FLRT2: variants seen among roughly 807,000 people sequenced by gnomAD.
FLRT2 encodes the protein fibronectin leucine rich transmembrane protein 2.
A neutral mutation model predicts 40.0 loss-of-function variants in FLRT2; 15 were observed. That is an observed-to-expected ratio of 0.38 (90% CI 0.25 to 0.58). FLRT2 has a LOEUF of 0.58. Among genes scored for constraint, FLRT2 ranks in the 20% least tolerant of loss-of-function variants. The pLI is 0.71. For synonymous variants in FLRT2, 380 were observed against 336.8 expected (o/e 1.13, Z -1.41); for missense variants, 726 against 840.0 (o/e 0.86, Z 1.68).
At position 85,634,998 on chromosome 14, in the gene FLRT2, C is replaced by T. The variant is rs930964630; in HGVS notation, c.*11501C>T. 6.6e-6 allele frequency: 1 copy of T among 152,054 alleles called. No individual in the cohort carries two copies. The highest frequency in any genetic ancestry group is 2.4e-5 in the African/African-American group (1 of 41,400). 9.4% of individuals were successfully genotyped at this position (152,054 alleles called of 1,614,324 possible). A position where few individuals can be genotyped will look rare whatever the true frequency, so the allele number is the denominator to read the frequency against. ...ATTGGACTGATTTGTGTTCTGTGTG[C>T]TTTTAAAATTCAGGAAGATGTGACT... On this transcript the variant is annotated 3_prime_UTR_variant, in exon 2 of 2. Coordinates refer to ENST00000330753, the MANE Select transcript of FLRT2 (RefSeq NM_013231.6).
chr14:85,607,943 G>T (rs750548688), intron 1 of FLRT2, among the ~76,000 whole-genome samples: 1 of 143,586 alleles, frequency 7.0e-6, no homozygotes, highest in Non-Finnish European at 1.5e-5. Context: ...TCCTCAGATT[G>T]TATTAATAGA....
At position 85,542,251 on chromosome 14, in the gene FLRT2, G is replaced by T. The variant is rs969631434; in HGVS notation, c.-377+11717G>T. On this transcript the variant is annotated intron_variant, in intron 1 of 1. Coordinates refer to ENST00000330753, the MANE Select transcript of FLRT2 (RefSeq NM_013231.6). ...TCTGAACAAATAGCAGTGTTCAGATGTCCTGGTAAAAATACATGGTACTGG... is the reference window on the plus strand; with the variant it reads ...TCTGAACAAATAGCAGTGTTCAGATTTCCTGGTAAAAATACATGGTACTGG... 7.9e-5 allele frequency among the ~76,000 whole-genome samples: 12 copies of T among 152,192 alleles called. No homozygotes were observed. In the South Asian group the frequency reaches 2.5e-3, roughly 32 times the overall value.
At chr14:85,532,111 G>A (rs117092186) in intron 1 of FLRT2, among the ~76,000 whole-genome samples, 3,953 of 152,370 alleles carry the variant, frequency 0.026, 75 homozygotes, top group Non-Finnish European at 0.041. Context: ...GTGCGGTCGC[G>A]CCTGGGGCGC....
At chr14:85,573,008 T>G (rs1890962539) in intron 1 of FLRT2, among the ~76,000 whole-genome samples, 1 of 152,122 alleles carries the variant, frequency 6.6e-6, no homozygotes, top group African/African-American at 2.4e-5. Context: ...TTTTTAGTCA[T>G]TCCTATCTCT....
chr14:85,597,750 T>C (rs1430665734), intron 1 of FLRT2, among the ~76,000 whole-genome samples: 1 of 152,194 alleles, frequency 6.6e-6, no homozygotes. Flanking sequence ...AAGACATTTA[T>C]TTGGTTTAAA....
chr14:85,588,673 C>T (rs1363262957), intron 1 of FLRT2, among the ~76,000 whole-genome samples: 1 of 152,070 alleles, frequency 6.6e-6, no homozygotes, highest in Non-Finnish European at 1.5e-5. Flanking sequence ...TATTATTCAT[C>T]ATAGTCACCC....
Position 85,649,714 on chromosome 14 carries a change from T to C in FLRT2, c.*26217T>C, listed in dbSNP as rs373480093. The stretch of plus-strand genomic sequence containing the variant: ...TCACTATAAAATTTAATGAACCTTA[T>C]ATCATTAATATTTTTGTGTCAATGG... On this transcript the variant is annotated 3_prime_UTR_variant, in exon 2 of 2. Transcript: ENST00000330753. The C allele has an allele frequency of 7.9e-5, 12 of 152,228 alleles. No homozygotes were observed. The highest frequency in any genetic ancestry group is 1.4e-4 in the African/African-American group (6 of 41,564). 9.4% of individuals were successfully genotyped at this position (152,228 alleles called of 1,614,324 possible).
intron 1 of FLRT2, among the ~76,000 whole-genome samples, chr14:85,545,383 ATTGC>A (rs746978735): frequency 2.0e-5 from 3 of 152,156 alleles, no homozygotes; most frequent in Non-Finnish European, 4.4e-5. Context: ...GTTGCCTCAG[ATTGC>A]TTGTTTTACT....
intron 1 of FLRT2, among the ~76,000 whole-genome samples, chr14:85,574,250 TA>T (rs919566257): frequency 6.6e-6 from 1 of 150,856 alleles, no homozygotes; most frequent in African/African-American, 2.4e-5. Flanking sequence ...TATATATAAA[TA>T]AAAAACATAT....
intron 1 of FLRT2, among the ~76,000 whole-genome samples, chr14:85,558,031 C>T (rs1018341359): frequency 2.6e-5 from 4 of 152,046 alleles, no homozygotes; most frequent in South Asian, 2.1e-4. Context: ...CCATAGACTT[C>T]CGTAGAAAGC....
At chr14:85,555,731 A>ATTTTATTTTATTTTATTTTATTTTAT (rs1256267797) in intron 1 of FLRT2, among the ~76,000 whole-genome samples, 1 of 135,576 alleles carries the variant, frequency 7.4e-6, no homozygotes, top group African/African-American at 2.6e-5. Context: ...ATTTTATTTT[A>ATTTTATTTTATTTTATTTTATTTTAT]TTTTTTTAGA....
At chr14:85,543,050 C>T (rs934548150) in intron 1 of FLRT2, among the ~76,000 whole-genome samples, 1 of 152,176 alleles carries the variant, frequency 6.6e-6, no homozygotes, top group African/African-American at 2.4e-5. Flanking sequence ...TAAAGTCCAA[C>T]TTCCTGTAAC....
intron 1 of FLRT2, among the ~76,000 whole-genome samples, chr14:85,545,818 A>G (rs1231550484): frequency 6.6e-6 from 1 of 152,218 alleles, no homozygotes; most frequent in African/African-American, 2.4e-5. Flanking sequence ...CCCTTTTACC[A>G]GCACTGCTAA....
In FLRT2 at chr14:85,645,090, T is replaced by C. The variant is rs1202697261; in HGVS notation, c.*21593T>C. ...ACTGAACTGTAATCATGAGTTTTGA[T>C]CAACCAACCATAAAGTTGAGCTTGG... is the stretch of plus-strand genomic sequence containing the variant. On this transcript the variant is annotated 3_prime_UTR_variant, in exon 2 of 2. Coordinates refer to ENST00000330753, the MANE Select transcript of FLRT2 (RefSeq NM_013231.6). The C allele has an allele frequency of 1.3e-5, 2 of 151,884 alleles. No homozygotes were observed. Among genetic ancestry groups the C allele is most frequent in the Non-Finnish European group, 2.9e-5 (2 of 68,024 alleles). The allele number at this position is 151,884 out of a possible 1,614,324, so 9.4% of individuals were successfully genotyped here.
At chr14:85,561,334 A>G (rs1220350134) in intron 1 of FLRT2, 2 of 152,200 alleles carry the variant, frequency 1.3e-5, no homozygotes, top group African/African-American at 4.8e-5. Context: ...ATCTCAGTTT[A>G]TGTTGTTGTA....
intron 1 of FLRT2, among the ~76,000 whole-genome samples, chr14:85,589,067 G>A (rs746248735): frequency 1.3e-5 from 2 of 152,094 alleles, no homozygotes; most frequent in African/African-American, 2.4e-5. Flanking sequence ...CAAACATGGG[G>A]ATGCAGATAT....
intron 1 of FLRT2, among the ~76,000 whole-genome samples, chr14:85,618,181 C>G (rs1449026209): frequency 6.6e-6 from 1 of 152,164 alleles, no homozygotes. Flanking sequence ...TTGATGAACT[C>G]TAAGCAAACA....
intron 1 of FLRT2, among the ~76,000 whole-genome samples, chr14:85,592,974 G>C (rs1891969857): frequency 6.6e-6 from 1 of 151,926 alleles, no homozygotes; most frequent in Non-Finnish European, 1.5e-5. Context: ...TTACATACAT[G>C]TTTAACACAA....
At chr14:85,560,522 A>G (rs1354124520) in intron 1 of FLRT2, among the ~76,000 whole-genome samples, 1 of 152,122 alleles carries the variant, frequency 6.6e-6, no homozygotes, top group Non-Finnish European at 1.5e-5. Context: ...CGGAGGTTGC[A>G]GTGAGCCGAG....
Sources: allele counts gnomAD v4.1 joint callset (sites outside exome capture counted in the v4.1 genomes callset), GRCh38; gene constraint gnomAD v4.1.1; transcripts MANE v1.5; gene names NCBI Gene and HGNC (gene_info 2026-07-23, HGNC 2026-07-21).